The following COL22A1 variants were observed in gnomAD, a reference collection of about 807,000 sequenced individuals.
COL22A1 encodes collagen alpha-1(XXII) chain.
Under a neutral mutation model 248.9 loss-of-function variants are expected in COL22A1, and 221 were observed. The ratio of observed to expected loss-of-function variants is 0.89; its 90% CI spans 0.80 to 0.99. The LOEUF is 0.99. Among genes scored for constraint, COL22A1 ranks in the 50% least tolerant of loss-of-function variants. The pLI is 0.00. For synonymous variants in COL22A1, 891 were observed against 793.4 expected (o/e 1.12, Z -2.07); for missense variants, 2,240 against 2,179.0 (o/e 1.03, Z -0.56).
At chr8:138,834,141 C>T (rs537729515) in intron 4 of COL22A1, among the ~76,000 whole-genome samples, 1 of 152,256 alleles carries the variant, frequency 6.6e-6, no homozygotes, top group Non-Finnish European at 1.5e-5. Flanking sequence ...TGACTCAACA[C>T]CCGCCTGAAA....
intron 4 of COL22A1, 64 bp from the exon 5 acceptor site, chr8:138,833,214 T>C (rs902943466): frequency 5.5e-5 from 64 of 1,160,212 alleles, no homozygotes; most frequent in Middle Eastern, 3.9e-4. Flanking sequence ...CAAAGGAAAA[T>C]CACATCCGCT....
chr8:138,757,080 T>C (rs1470428533), intron 18 of COL22A1, among the ~76,000 whole-genome samples: 1 of 152,172 alleles, frequency 6.6e-6, no homozygotes, highest in Non-Finnish European at 1.5e-5. Context: ...CACACACATG[T>C]GCTTGCACAC....
intron 5 of COL22A1, among the ~76,000 whole-genome samples, chr8:138,830,603 G>A (rs1001849686): frequency 1.3e-5 from 2 of 152,304 alleles, no homozygotes; most frequent in Admixed American, 6.5e-5. Flanking sequence ...GACCGGAATC[G>A]GGGTCCCATG....
intron 6 of COL22A1, 47 bp downstream of exon 6, chr8:138,826,611 G>C: frequency 1.9e-6 from 3 of 1,603,630 alleles, no homozygotes; most frequent in Non-Finnish European, 2.6e-6. Flanking sequence ...TGTGAGAGGG[G>C]AACAGAAAGC....
chr8:138,711,026 C>T (rs1280188664), intron 30 of COL22A1, among the ~76,000 whole-genome samples: 1 of 152,160 alleles, frequency 6.6e-6, no homozygotes, highest in Non-Finnish European at 1.5e-5. Flanking sequence ...GAAATAGCCT[C>T]CTCATCCTGA....
intron 60 of COL22A1, 22 bp from the exon 61 acceptor site, chr8:138,598,920 C>T: frequency 1.2e-6 from 2 of 1,613,102 alleles, no homozygotes; most frequent in Non-Finnish European, 1.7e-6. Flanking sequence ...ATAAGCATGT[C>T]AGCATGTGTC....
At chr8:138,753,417 T>C (rs1272461993) in intron 21 of COL22A1, among the ~76,000 whole-genome samples, 2 of 152,208 alleles carry the variant, frequency 1.3e-5, no homozygotes, top group South Asian at 2.1e-4. Flanking sequence ...ACTAACATCA[T>C]GTATTGTACT....
At chr8:138,891,492 C>A (rs539200937) in intron 1 of COL22A1, among the ~76,000 whole-genome samples, 5 of 152,300 alleles carry the variant, frequency 3.3e-5, no homozygotes, top group Middle Eastern at 3.4e-3. Context: ...ACATTACATG[C>A]TCATAAGTGC....
At chr8:138,806,072 GTGA>G (rs1358659253) in intron 10 of COL22A1, among the ~76,000 whole-genome samples, 3 of 144,424 alleles carry the variant, frequency 2.1e-5, no homozygotes, top group African/African-American at 8.0e-5. Flanking sequence ...GGTGGTGTGT[GTGA>G]TGGTGTGTGT....
At chr8:138,720,843 A>G (rs1355077005) in intron 26 of COL22A1, 51 bp from the exon 27 acceptor site, 1 of 1,443,906 alleles carries the variant, frequency 6.9e-7, no homozygotes, top group Admixed American at 1.7e-5. Context: ...TGCTTGGATT[A>G]AACAACACAA....
chr8:138,609,849 G>A (rs1472784917), intron 56 of COL22A1, among the ~76,000 whole-genome samples: 2 of 152,120 alleles, frequency 1.3e-5, no homozygotes, highest in East Asian at 3.9e-4. Context: ...GGCCTACTGG[G>A]GCTGGAACCT....
chr8:138,723,066 G>GAA (rs67823536), intron 25 of COL22A1, among the ~76,000 whole-genome samples: 4 of 149,272 alleles, frequency 2.7e-5, no homozygotes, highest in Non-Finnish European at 5.9e-5. Context: ...AAAGTTGAAG[G>GAA]AAAAAAAAAA....
intron 3 of COL22A1, among the ~76,000 whole-genome samples, chr8:138,873,333 C>A (rs982804661): frequency 6.7e-6 from 1 of 150,258 alleles, no homozygotes; most frequent in Non-Finnish European, 1.5e-5. Context: ...TTCTTATATT[C>A]TTTTCTTTGG....
chr8:138,774,819 G>A (rs1411601129), intron 16 of COL22A1, among the ~76,000 whole-genome samples: 1 of 152,182 alleles, frequency 6.6e-6, no homozygotes, highest in African/African-American at 2.4e-5. Flanking sequence ...GGAACGCTGT[G>A]CAGTCATTTA....
chr8:138,827,489 C>T (rs971294848), intron 5 of COL22A1: 36 of 152,416 alleles, frequency 2.4e-4, no homozygotes, highest in African/African-American at 8.7e-4. Context: ...ATAAGCCACC[C>T]AGCTTAGCTT....
chr8:138,678,577 T>TTA lies in COL22A1; in HGVS notation c.3072+1039_3072+1040insTA, dbSNP rs1554744981. Among the ~76,000 whole-genome samples the TTA allele has an allele frequency of 2.0e-5, 3 of 149,866 alleles. No individual in the cohort carries two copies. In the East Asian group the frequency reaches 5.9e-4, roughly 29 times the overall value. On this transcript the variant is annotated intron_variant, in intron 40 of 64. Transcript: ENST00000303045. ...TGGGGTGGTTGGGGAATAGAGGGAGTAAAAAAAAAATAAGACAAATATGGA... is the reference window on the plus strand; with the variant it reads ...TGGGGTGGTTGGGGAATAGAGGGAGTTAAAAAAAAAAATAAGACAAATATGGA...
chr8:138,850,588 A>G lies in COL22A1; in HGVS notation c.659-6430T>C, dbSNP rs146800401. Among the ~76,000 whole-genome samples the G allele has an allele frequency of 3.3e-5, 5 of 152,280 alleles. No individual in the cohort carries two copies. The East Asian group carries it at 9.7e-4, about 29-fold the overall frequency. ...TGTTTGGAGACTGATGAGGCACAAG[A>G]AACAGTAACAAGGTAAGGGCCTGCC... On this transcript the variant is annotated intron_variant, in intron 3 of 64. Transcript: ENST00000303045.
At position 138,793,500 on chromosome 8, in the gene COL22A1, C is replaced by T. The variant is rs556458961; in HGVS notation, c.1596+3319G>A. ...CAGAGTCCCAGAGAGGGAAGTGACT[C>T]ACTCCAAATCACACAGCTAATATGT... On this transcript the variant is annotated intron_variant, in intron 12 of 64. Coordinates refer to ENST00000303045, the MANE Select transcript of COL22A1 (RefSeq NM_152888.3). Among the ~76,000 whole-genome samples the T allele has an allele frequency of 4.6e-5, 7 of 152,340 alleles. No individual in the cohort carries two copies. The East Asian group carries it at 1.3e-3, about 29-fold the overall frequency.
At chr8:138,886,770 T>C (rs547116702) in intron 1 of COL22A1, among the ~76,000 whole-genome samples, 1 of 152,290 alleles carries the variant, frequency 6.6e-6, no homozygotes, top group South Asian at 2.1e-4. Flanking sequence ...CACTATCTCA[T>C]GAAAAAAGTA....
Sources: gnomAD v4.1 joint callset for allele counts (sites outside exome capture counted in the v4.1 genomes callset) on GRCh38, gnomAD v4.1.1 for gene constraint, MANE v1.5 for transcripts, NCBI Gene and HGNC (gene_info 2026-07-23, HGNC 2026-07-21) for gene names.